MINDY4: variants seen among roughly 807,000 people sequenced by gnomAD.
MINDY4 encodes the protein probable ubiquitin carboxyl-terminal hydrolase MINDY-4.
A neutral mutation model predicts 87.0 loss-of-function variants in MINDY4; 68 were observed. The ratio of observed to expected loss-of-function variants is 0.78; its 90% confidence interval spans 0.64 to 0.96. MINDY4 has a LOEUF of 0.96. Ranked by LOEUF, MINDY4 falls within the 40% of genes least tolerant of loss-of-function variation. MINDY4 has a pLI of 0.00. For synonymous variants in MINDY4, 379 were observed against 363.2 expected (o/e 1.04, Z -0.50); for missense variants, 919 against 928.2 (o/e 0.99, Z 0.13).
chr7:30,840,724 A>G, intron 8 of MINDY4, 36 bp from the exon 9 acceptor site: 1 of 1,604,182 alleles, frequency 6.2e-7, no homozygotes, highest in South Asian at 1.1e-5. Context: ...GCCCCAGGCC[A>G]GTTCTCACTG....
intron 15 of MINDY4, among the ~76,000 whole-genome samples, chr7:30,875,924 CAG>C (rs552679026): frequency 2.0e-4 from 31 of 152,204 alleles, no homozygotes; most frequent in Admixed American, 5.9e-4. Flanking sequence ...TTGTGGGTCA[CAG>C]TGGCTGCAGC....
chr7:30,856,488 T>C (rs905320339), intron 12 of MINDY4, among the ~76,000 whole-genome samples: 12 of 151,736 alleles, frequency 7.9e-5, no homozygotes, highest in African/African-American at 2.7e-4. Flanking sequence ...CTGGCATAAA[T>C]GTAATAATAG....
chr7:30,840,087 C>T (rs772196103), intron 8 of MINDY4, among the ~76,000 whole-genome samples: 2 of 152,138 alleles, frequency 1.3e-5, no homozygotes, highest in Non-Finnish European at 1.5e-5. Context: ...CCCAACCTGC[C>T]GTTCAGACAA....
In MINDY4 at chr7:30,891,622, G is replaced by A. The variant is rs184290624; in HGVS notation, c.2226-335G>A. 3.1e-3 allele frequency among the ~76,000 whole-genome samples: 471 copies of A among 152,290 alleles called. 5 individuals are homozygous for A. Among genetic ancestry groups the A allele is most frequent in the African/African-American group, 0.01 (427 of 41,566 alleles). The stretch of plus-strand genomic sequence containing the variant: ...CAACCATTGGGTCCTAGTGGAGAGC[G>A]GCTGGTCCAGATGTGTGTGGATCAT... On this transcript the variant is annotated intron_variant, in intron 17 of 17. Coordinates refer to ENST00000265299, the MANE Select transcript of MINDY4 (RefSeq NM_032222.3).
Position 30,892,043 on chromosome 7 carries a change from T to A in MINDY4, c.*38T>A, listed in dbSNP as rs1790808526. 2 of 1,608,234 alleles carry A rather than the reference T, an allele frequency of 1.2e-6. No individual in the cohort carries two copies. The highest frequency in any genetic ancestry group is 1.3e-5 in the African/African-American group (1 of 74,896). On this transcript the variant is annotated 3_prime_UTR_variant, in exon 18 of 18. Coordinates refer to ENST00000265299, the MANE Select transcript of MINDY4 (RefSeq NM_032222.3). The stretch of plus-strand genomic sequence containing the variant: ...GGTAAACCCTGTGGTCCACCACTCA[T>A]CACCTCATCACCGAGGATGACAGCT...
intron 4 of MINDY4, chr7:30,786,275 C>T: frequency 2.5e-6 from 1 of 402,746 alleles, no homozygotes; most frequent in Non-Finnish European, 4.5e-6. Flanking sequence ...ACCTACTCAG[C>T]TTTGTCTTTG....
intron 5 of MINDY4, among the ~76,000 whole-genome samples, chr7:30,827,792 A>AGTGC (rs1425215440): frequency 6.6e-6 from 1 of 152,176 alleles, no homozygotes; most frequent in Non-Finnish European, 1.5e-5. Context: ...TTCAGGAGGA[A>AGTGC]ACCAATTCAA....
chr7:30,774,910 C>T (rs2128164357), intron 1 of MINDY4, among the ~76,000 whole-genome samples: 1 of 152,212 alleles, frequency 6.6e-6, no homozygotes, highest in South Asian at 2.1e-4. Flanking sequence ...TGTGGATTCC[C>T]ATACCATCTA....
chr7:30,772,805 T>C (rs1319149898), intron 1 of MINDY4, among the ~76,000 whole-genome samples: 1 of 152,202 alleles, frequency 6.6e-6, no homozygotes, highest in Non-Finnish European at 1.5e-5. Context: ...GAAAGCTGAC[T>C]GTTAACATCA....
At chr7:30,814,364 TA>T (rs1788090156) in intron 5 of MINDY4, among the ~76,000 whole-genome samples, 1 of 152,214 alleles carries the variant, frequency 6.6e-6, no homozygotes. Context: ...GAGGTAGACA[TA>T]ATCTTATTTC....
chr7:30,782,342 TTGTGTGTG>T (rs56380069), intron 3 of MINDY4, 130 bp downstream of exon 3: 5,947 of 577,862 alleles, frequency 0.01, 201 homozygotes, highest in African/African-American at 0.094. Flanking sequence ...GTGTGTATGT[TTGTGTGTG>T]TGTGTGTGTG....
chr7:30,785,390 G>A (rs996598531), intron 3 of MINDY4, among the ~76,000 whole-genome samples: 1 of 152,056 alleles, frequency 6.6e-6, no homozygotes, highest in African/African-American at 2.4e-5. Context: ...AGTGGTGTGC[G>A]GCAAGGCTGG....
intron 13 of MINDY4, among the ~76,000 whole-genome samples, chr7:30,862,075 G>T (rs1378951670): frequency 6.6e-6 from 1 of 152,238 alleles, no homozygotes; most frequent in Admixed American, 6.5e-5. Context: ...TAAACTGAGG[G>T]CTTCAAGTGA....
intron 5 of MINDY4, among the ~76,000 whole-genome samples, chr7:30,808,707 G>T (rs1291207624): frequency 6.6e-6 from 1 of 152,180 alleles, no homozygotes; most frequent in African/African-American, 2.4e-5. Context: ...AGCCTGGACA[G>T]GTCCCTTGTT....
chr7:30,812,669 A>T (rs1488545188), intron 5 of MINDY4, among the ~76,000 whole-genome samples: 1 of 152,198 alleles, frequency 6.6e-6, no homozygotes, highest in Non-Finnish European at 1.5e-5. Context: ...CAGAAACAAC[A>T]GCTTGCACAT....
intron 5 of MINDY4, among the ~76,000 whole-genome samples, chr7:30,812,281 G>GT (rs537350484): frequency 0.27 from 38,460 of 140,938 alleles, 5,707 homozygotes; most frequent in Non-Finnish European, 0.33. Flanking sequence ...AGGGGGGGGG[G>GT]GTATGTATGT....
intron 5 of MINDY4, among the ~76,000 whole-genome samples, chr7:30,798,405 G>T (rs1422762752): frequency 6.6e-6 from 1 of 152,150 alleles, no homozygotes; most frequent in Non-Finnish European, 1.5e-5. Flanking sequence ...CTGTAAGAGG[G>T]GGGTTGCCGT....
intron 4 of MINDY4, among the ~76,000 whole-genome samples, chr7:30,787,643 G>T (rs1787194557): frequency 6.6e-6 from 1 of 152,236 alleles, no homozygotes; most frequent in Non-Finnish European, 1.5e-5. Flanking sequence ...AGTGGATGGA[G>T]GTTGGTATGG....
Position 30,875,240 on chromosome 7 carries a change from G to T in MINDY4, c.1810-255G>T, listed in dbSNP as rs187679422. On this transcript the variant is annotated intron_variant, in intron 14 of 17. Transcript: ENST00000265299. Reference sequence around the variant, plus strand: ...AGCCTGCAGCATAGGACAGGGTCCTGTGAATGGTTGGTACTCAAGGAGTGC... The same window carrying T: ...AGCCTGCAGCATAGGACAGGGTCCTTTGAATGGTTGGTACTCAAGGAGTGC... Among the ~76,000 whole-genome samples the T allele has an allele frequency of 1.8e-3, 274 of 152,360 alleles. 1 individual carries two copies. The highest frequency in any genetic ancestry group is 5.8e-3 in the South Asian group (28 of 4,826).
Sources: allele counts gnomAD v4.1 joint callset (sites outside exome capture counted in the v4.1 genomes callset), GRCh38; gene constraint gnomAD v4.1.1; transcripts MANE v1.5; gene names NCBI Gene and HGNC (gene_info 2026-07-23, HGNC 2026-07-21).